The following MED13L variants were observed in gnomAD, a reference collection of about 807,000 sequenced individuals.
MED13L encodes mediator complex subunit 13L.
MED13L carries 7 observed loss-of-function variants against 220.9 expected under a neutral mutation model. The observed-to-expected ratio is 0.03, with a 90% CI of 0.02 to 0.06. The LOEUF is 0.06. Among genes scored for constraint, MED13L ranks in the 10% least tolerant of loss-of-function variants. The pLI is 1.00. For missense variants in MED13L, 1,965 were observed against 2,760.5 expected (o/e 0.71, Z 6.46); for synonymous variants, 1,011 against 1,015.2 (o/e 1.00, Z 0.08).
chr12:116,119,265 G>A (rs180786687), intron 2 of MED13L, among the ~76,000 whole-genome samples: 12 of 152,222 alleles, frequency 7.9e-5, no homozygotes, highest in East Asian at 1.9e-4. Flanking sequence ...TCTGAATCCA[G>A]GGACAAAAAG....
At chr12:116,169,701 T>G (rs550566226) in intron 2 of MED13L, among the ~76,000 whole-genome samples, 11 of 152,216 alleles carry the variant, frequency 7.2e-5, no homozygotes, top group Non-Finnish European at 1.5e-4. Flanking sequence ...AAAAGGTTAG[T>G]TGAAGTACAG....
At chr12:116,034,888 C>T (rs1312120596) in intron 4 of MED13L, among the ~76,000 whole-genome samples, 2 of 152,080 alleles carry the variant, frequency 1.3e-5, no homozygotes, top group African/African-American at 4.8e-5. Flanking sequence ...GGCTGTAATC[C>T]CAGATACTCG....
At chr12:116,259,199 T>C (rs1872307586) in intron 1 of MED13L, among the ~76,000 whole-genome samples, 1 of 152,160 alleles carries the variant, frequency 6.6e-6, no homozygotes, top group East Asian at 1.9e-4. Flanking sequence ...TAAAAATGAG[T>C]AAACTATATC....
chr12:116,097,921 T>C (rs1336306945), intron 3 of MED13L, among the ~76,000 whole-genome samples: 1 of 152,110 alleles, frequency 6.6e-6, no homozygotes, highest in East Asian at 1.9e-4. Context: ...GCGGATGCCA[T>C]GGATTGTAAG....
chr12:116,103,999 C>CTTTTTTTTTTTTTTTTT lies in MED13L; in HGVS notation c.396-7264_396-7248dup, dbSNP rs36066243. On this transcript the variant is annotated intron_variant, in intron 3 of 30. Transcript: ENST00000281928. ...CACCACCACATCCAAGGACATTGCT[C>CTTTTTTTTTTTTTTTTT]TTTTTTTTTTTTTTTTTTTTTTTTT... is the stretch of plus-strand genomic sequence containing the variant. Among the ~76,000 whole-genome samples, 6 of 57,464 alleles carry CTTTTTTTTTTTTTTTTT rather than the reference C, an allele frequency of 1.0e-4. 1 individual carries two copies. The highest frequency in any genetic ancestry group is 0.016 in the Middle Eastern group (1 of 64). 37.7% of individuals were successfully genotyped at this position (57,464 alleles called of 152,430 possible). A position where few individuals can be genotyped will look rare whatever the true frequency, so the allele number is the denominator to read the frequency against.
At chr12:116,200,612 C>A (rs980130662) in intron 2 of MED13L, among the ~76,000 whole-genome samples, 7 of 152,232 alleles carry the variant, frequency 4.6e-5, no homozygotes, top group Non-Finnish European at 8.8e-5. Context: ...TGAGCCTACA[C>A]CCCACAAGGA....
At chr12:116,267,213 G>A (rs1202054462) in intron 1 of MED13L, among the ~76,000 whole-genome samples, 2 of 152,084 alleles carry the variant, frequency 1.3e-5, no homozygotes, top group Non-Finnish European at 1.5e-5. Context: ...ATCACCCAGC[G>A]CATTAAAGGC....
chr12:116,088,434 T>G (rs1291924186), intron 4 of MED13L, among the ~76,000 whole-genome samples: 1 of 152,126 alleles, frequency 6.6e-6, no homozygotes, highest in Non-Finnish European at 1.5e-5. Flanking sequence ...CAGGGGTGAC[T>G]TGCCCTCCCA....
At position 115,975,581 on chromosome 12, in the gene MED13L, G is replaced by C; in HGVS notation, c.5522C>G (p.Ala1841Gly). Reference protein sequence around the residue: ...CLSHDQRWLLASCTDLHGELL... With the variant: ...CLSHDQRWLLGSCTDLHGELL... ...TTCCCCATGGAGGTCAGTGCAGGAA[G>C]CCAAAAGCCAGCGCTGGTCGTGAGA... The change falls in exon 24 of 31, where the codon GCT becomes GGT. Residue 1841 changes from alanine (A) to glycine (G), a missense_variant. Transcript: ENST00000281928. The C allele has an allele frequency of 6.2e-7, 1 of 1,614,146 alleles. No homozygotes were observed. The highest frequency in any genetic ancestry group is 8.5e-7 in the Non-Finnish European group (1 of 1,180,022).
intron 1 of MED13L, among the ~76,000 whole-genome samples, chr12:116,265,691 G>A (rs1465916561): frequency 6.6e-6 from 1 of 152,120 alleles, no homozygotes; most frequent in African/African-American, 2.4e-5. Context: ...AAATTGGCCT[G>A]CCCACACTTC....
At chr12:115,961,439 G>A (rs769481051) in intron 30 of MED13L, 41 bp from the exon 31 acceptor site, 1 of 1,611,514 alleles carries the variant, frequency 6.2e-7, no homozygotes, top group Non-Finnish European at 8.5e-7. Context: ...TGAGCCTCAA[G>A]AGGGAAGGCT....
chr12:116,062,487 TG>T (rs1431482977), intron 4 of MED13L, among the ~76,000 whole-genome samples: 6 of 108,442 alleles, frequency 5.5e-5, no homozygotes, highest in South Asian at 6.6e-4. Context: ...TCTCTCTCTG[TG>T]TTTTTTTTTT....
intron 4 of MED13L, 23 bp downstream of exon 4, chr12:116,096,646 C>G: frequency 6.2e-7 from 1 of 1,606,388 alleles, no homozygotes; most frequent in Non-Finnish European, 8.5e-7. Flanking sequence ...AACCAAAAAG[C>G]CAAGAGCATT....
rs540623865 is a variant in MED13L, at chr12:115,996,949, A to G, written c.2790+61T>C. On this transcript the variant is annotated intron_variant, in intron 15 of 30. Transcript: ENST00000281928. Reference sequence around the variant, plus strand: ...CACAGACAATACCATTTTAAAGCAGATGTATGTGAATCCACTTGGAAACTG... The same window carrying G: ...CACAGACAATACCATTTTAAAGCAGGTGTATGTGAATCCACTTGGAAACTG... 3 of 1,489,388 alleles carry G rather than the reference A, an allele frequency of 2.0e-6. No homozygotes were observed. In the East Asian group the frequency reaches 6.8e-5, roughly 34 times the overall value. The allele number at this position is 1,489,388 out of a possible 1,614,324, so 92.3% of individuals were successfully genotyped here. A position where few individuals can be genotyped will look rare whatever the true frequency, so the allele number is the denominator to read the frequency against.
intron 25 of MED13L, chr12:115,972,551 A>T (rs1005687987): frequency 2.7e-6 from 1 of 373,722 alleles, no homozygotes; most frequent in Non-Finnish European, 5.2e-6. Context: ...CCATGATGAC[A>T]GCAGTGTTAG....
At position 116,226,860 on chromosome 12, in the gene MED13L, C is replaced by T. The variant is rs1226448784; in HGVS notation, c.310+10608G>A. 2.8e-5 allele frequency among the ~76,000 whole-genome samples: 4 copies of T among 142,864 alleles called. No individual in the cohort carries two copies. In the East Asian group the frequency reaches 6.1e-4, roughly 22 times the overall value. The allele number at this position is 142,864 out of a possible 152,430, so 93.7% of individuals were successfully genotyped here. ...CTCCAGCCTGGGCAACAGAGTGAGA[C>T]TCCATCTCAAAAAAAAAAAAAAAAA... is the stretch of plus-strand genomic sequence containing the variant. On this transcript the variant is annotated intron_variant, in intron 2 of 30. Coordinates refer to ENST00000281928, the MANE Select transcript of MED13L (RefSeq NM_015335.5).
At chr12:115,961,577 T>C (rs1022182979) in intron 30 of MED13L, 179 bp from the exon 31 acceptor site, 9 of 855,442 alleles carry the variant, frequency 1.1e-5, no homozygotes, top group South Asian at 4.7e-5. Flanking sequence ...ATATGGACTA[T>C]CCAGTACAGT....
At chr12:116,142,060 C>A (rs1877126032) in intron 2 of MED13L, among the ~76,000 whole-genome samples, 1 of 152,176 alleles carries the variant, frequency 6.6e-6, no homozygotes, top group Non-Finnish European at 1.5e-5. Context: ...TCCATCCCCA[C>A]ACCTCTTTTA....
At chr12:116,183,103 C>T (rs1055218437) in intron 2 of MED13L, among the ~76,000 whole-genome samples, 3 of 151,824 alleles carry the variant, frequency 2.0e-5, no homozygotes, top group African/African-American at 4.8e-5. Context: ...TTAAATGTAC[C>T]AAAGCCACAT....
Sources: allele counts gnomAD v4.1 joint callset (sites outside exome capture counted in the v4.1 genomes callset), GRCh38; gene constraint gnomAD v4.1.1; transcripts MANE v1.5; gene names NCBI Gene and HGNC (gene_info 2026-07-23, HGNC 2026-07-21).